The following MSN variants were observed in gnomAD, a reference collection of about 807,000 sequenced individuals.
MSN encodes moesin.
In MSN, 2 loss-of-function variants were observed where a neutral mutation model predicts 48.0. The observed-to-expected ratio is 0.04, with a 90% CI of 0.02 to 0.13. The LOEUF is 0.13. Among genes scored for constraint, MSN ranks in the 10% least tolerant of loss-of-function variants. The pLI, the probability that MSN is intolerant of heterozygous loss-of-function variation, is 1.00. For missense variants in MSN, 267 were observed against 470.1 expected, an observed-to-expected ratio of 0.57 and a Z score of 3.99; for synonymous variants, 146 against 166.9, an observed-to-expected ratio of 0.87 and a Z score of 0.97.
At chrX:65,705,863 AG>A (rs2071357133) in intron 1 of MSN, among the ~76,000 whole-genome samples, 1 of 111,934 alleles carries the variant, frequency 8.9e-6, no homozygotes, top group Non-Finnish European at 1.9e-5. Flanking sequence ...GAGTGGTTGA[AG>A]AAATACTGCT....
intron 1 of MSN, among the ~76,000 whole-genome samples, chrX:65,623,071 G>A (rs1406920394): frequency 4.6e-5 from 5 of 108,444 alleles, no homozygotes; most frequent in Non-Finnish European, 3.8e-5. Flanking sequence ...GCTTTTCTTA[G>A]GTTGAATGTT....
chrX:65,640,182 C>T (rs138510722), intron 1 of MSN, among the ~76,000 whole-genome samples: 113 of 111,695 alleles, frequency 1.0e-3, no homozygotes, highest in African/African-American at 3.2e-3. Flanking sequence ...TCCATTACAC[C>T]ACCCCACCTC....
chrX:65,630,996 G>A (rs780858173), intron 1 of MSN, among the ~76,000 whole-genome samples: 6 of 110,770 alleles, frequency 5.4e-5, no homozygotes, highest in South Asian at 3.8e-4. Flanking sequence ...TATTGACATC[G>A]ATATAGTCAA....
rs1156767908 is a variant in MSN, at chrX:65,615,318, C to T, written c.-22+26706C>T. Reference sequence around the variant, plus strand: ...ACGGTTGAACTAGTTTACAGTCCCACCAACAGTGTAAAAGTGTTCCTATTT... The same window carrying T: ...ACGGTTGAACTAGTTTACAGTCCCATCAACAGTGTAAAAGTGTTCCTATTT... On this transcript the variant is annotated intron_variant, in intron 1 of 3. Coordinates refer to the MSN transcript ENST00000609672. Among the ~76,000 whole-genome samples, 4 of 107,893 alleles carry T rather than the reference C, an allele frequency of 3.7e-5. No individual in the cohort carries two copies. The East Asian group carries it at 1.1e-3, about 31-fold the overall frequency. The allele number at this position is 107,893 out of a possible 115,157, so 93.7% of individuals were successfully genotyped here. A position where few individuals can be genotyped will look rare whatever the true frequency, so the allele number is the denominator to read the frequency against.
chrX:65,624,763 G>A (rs2070488619), intron 1 of MSN: 1 of 100,330 alleles, frequency 1.0e-5, no homozygotes. Context: ...TCCAGCCTGG[G>A]CGACAGAGGG....
chrX:65,591,142 T>C (rs1200677376), intron 1 of MSN, among the ~76,000 whole-genome samples: 2 of 111,099 alleles, frequency 1.8e-5, no homozygotes, highest in Non-Finnish European at 3.8e-5. Flanking sequence ...GCCATGAGAG[T>C]CCTTGTTCAT....
chrX:65,691,801 C>T (rs914384223), intron 1 of MSN, among the ~76,000 whole-genome samples: 6 of 112,172 alleles, frequency 5.3e-5, no homozygotes, highest in African/African-American at 1.9e-4. Context: ...CCACTGTTCC[C>T]GGCTCTTTTC....
chrX:65,592,815 C>T (rs1193203934), intron 1 of MSN, among the ~76,000 whole-genome samples: 5 of 110,406 alleles, frequency 4.5e-5, no homozygotes, highest in East Asian at 2.9e-4. Context: ...CCAAGGTGGG[C>T]GGATCACTTG....
chrX:65,696,285 G>C (rs951031860), intron 1 of MSN, among the ~76,000 whole-genome samples: 6 of 110,636 alleles, frequency 5.4e-5, no homozygotes, highest in Non-Finnish European at 9.4e-5. Flanking sequence ...GATCCATATT[G>C]GGTGTCTGAT....
chrX:65,619,527 C>T (rs1356813523), intron 1 of MSN, among the ~76,000 whole-genome samples: 83 of 98,964 alleles, frequency 8.4e-4, no homozygotes, highest in African/African-American at 9.9e-4. Context: ...GCATTCTTCT[C>T]GTAGTTCTCG....
At chrX:65,736,554 C>T (rs2071678104) in intron 8 of MSN, among the ~76,000 whole-genome samples, 1 of 110,218 alleles carries the variant, frequency 9.1e-6, no homozygotes, top group African/African-American at 3.3e-5. Context: ...CCTGCCTCAG[C>T]CTCCTGAGTA....
At position 65,667,856 on chromosome X, in the gene MSN, G is replaced by A. The variant is rs2070889642; in HGVS notation, c.12+3G>A. The A allele has an allele frequency of 2.5e-6, 3 of 1,210,150 alleles. No individual in the cohort carries two copies. Among genetic ancestry groups the A allele is most frequent in the Non-Finnish European group, 3.4e-6 (3 of 894,837 alleles). On this transcript the variant is annotated splice_donor_region_variant and intron_variant, in intron 1 of 12. Transcript: ENST00000360270. ...TTGCCGCCACCATGCCCAAAACGGT[G>A]AGTGCCGGAGGTGGGCGCTGTCGAC...
At chrX:65,596,912 A>G (rs2070191636) in intron 1 of MSN, among the ~76,000 whole-genome samples, 1 of 112,036 alleles carries the variant, frequency 8.9e-6, no homozygotes, top group African/African-American at 3.2e-5. Context: ...CATTGGAGAC[A>G]AAGGTGACAG....
chrX:65,682,170 G>T lies in MSN; in HGVS notation c.12+14317G>T, dbSNP rs148965093. ...AAACTGAGCACCTTTCAGGTCTTCT[G>T]GTCTGAAGCCTGCCATGTACTGTGG... On this transcript the variant is annotated intron_variant, in intron 1 of 12. Coordinates refer to ENST00000360270, the MANE Select transcript of MSN (RefSeq NM_002444.3). Among the ~76,000 whole-genome samples the T allele has an allele frequency of 7.3e-3, 813 of 111,929 alleles. 8 individuals are homozygous for T. The highest frequency in any genetic ancestry group is 0.026 in the African/African-American group (786 of 30,796).
rs1422854209 is a variant in MSN, at chrX:65,734,177, G to A, written c.795+897G>A. The stretch of plus-strand genomic sequence containing the variant: ...TGCAGCTGACAAGACCAGACAGCTG[G>A]TGATTGTGGGTAGGTTAGGAAACTG... On this transcript the variant is annotated intron_variant, in intron 7 of 12. Coordinates refer to ENST00000360270, the MANE Select transcript of MSN (RefSeq NM_002444.3). Among the ~76,000 whole-genome samples, 5 of 111,879 alleles carry A rather than the reference G, an allele frequency of 4.5e-5. No homozygotes were observed. In the East Asian group the frequency reaches 1.4e-3, roughly 31 times the overall value.
intron 1 of MSN, among the ~76,000 whole-genome samples, chrX:65,626,039 C>T (rs1444026915): frequency 1.9e-5 from 2 of 103,689 alleles, no homozygotes; most frequent in African/African-American, 7.3e-5. Context: ...ACTGCAAGCT[C>T]TGCCTCCCGG....
intron 1 of MSN, among the ~76,000 whole-genome samples, chrX:65,692,932 G>A (rs137865580): frequency 0.016 from 1,761 of 111,669 alleles, 17 homozygotes; most frequent in Non-Finnish European, 0.025. Context: ...CTCCCACCTC[G>A]GCCAGCGTTG....
At chrX:65,693,635 G>A (rs1345134302) in intron 1 of MSN, among the ~76,000 whole-genome samples, 1 of 112,050 alleles carries the variant, frequency 8.9e-6, no homozygotes, top group African/African-American at 3.2e-5. Context: ...CAAGAGAAAG[G>A]AGGGTGGTAG....
chrX:65,738,739 A>G (rs1021758247), intron 11 of MSN, 122 bp downstream of exon 11: 26 of 690,081 alleles, frequency 3.8e-5, no homozygotes, highest in Non-Finnish European at 5.7e-5. Flanking sequence ...AGCAGGCAGC[A>G]TGGGAGAAGG....
Sources: allele counts gnomAD v4.1 joint callset (sites outside exome capture counted in the v4.1 genomes callset), GRCh38; gene constraint gnomAD v4.1.1; transcripts MANE v1.5; gene names NCBI Gene and HGNC (gene_info 2026-07-23, HGNC 2026-07-21).